NUMA1: variants seen among roughly 807,000 people sequenced by gnomAD.
NUMA1 encodes nuclear mitotic apparatus protein 1.
NUMA1 carries 62 observed loss-of-function variants against 237.1 expected under a neutral mutation model. That is an observed-to-expected ratio of 0.26 (90% CI 0.21 to 0.32). The LOEUF (loss-of-function observed/expected upper bound fraction) is 0.32. NUMA1 is among the 10% of genes least tolerant of loss of function. NUMA1 has a pLI of 1.00. For synonymous variants in NUMA1, 1,028 were observed against 1,066.1 expected (o/e 0.96, Z 0.70); for missense variants, 2,533 against 2,666.5 (o/e 0.95, Z 1.10).
chr11:72,005,635 G>T, intron 22 of NUMA1: 1 of 519,822 alleles, frequency 1.9e-6, no homozygotes, highest in Non-Finnish European at 3.4e-6. Context: ...AAGGCTTGGT[G>T]GCCAACACCC....
rs1335329816 is a variant in NUMA1 at position 72,003,040 on chromosome 11, A to G, written c.*487T>C. The G allele has an allele frequency of 4.2e-6, 1 of 238,216 alleles. No homozygotes were observed. Among genetic ancestry groups the G allele is most frequent in the Non-Finnish European group, 8.3e-6 (1 of 121,132 alleles). The allele number at this position is 238,216 out of a possible 1,614,324, so 14.8% of individuals were successfully genotyped here. A position where few individuals can be genotyped will look rare whatever the true frequency, so the allele number is the denominator to read the frequency against. ...ACCCCACTCCTGAGACATAGGGCCC[A>G]TCCGTCCTGGGAAAGAGCATCCTCT... is the stretch of plus-strand genomic sequence containing the variant. On this transcript the variant is annotated 3_prime_UTR_variant, in exon 27 of 27. Coordinates refer to ENST00000393695, the MANE Select transcript of NUMA1 (RefSeq NM_006185.4).
intron 5 of NUMA1, among the ~76,000 whole-genome samples, chr11:72,023,513 A>G (rs1461776892): frequency 1.3e-5 from 2 of 152,218 alleles, no homozygotes; most frequent in Non-Finnish European, 2.9e-5. Context: ...GAGTAAACCT[A>G]TAGCTGAGTC....
At chr11:72,004,579 G>T in intron 24 of NUMA1, 61 bp downstream of exon 24, 1 of 1,531,046 alleles carries the variant, frequency 6.5e-7, no homozygotes, top group Non-Finnish European at 8.9e-7. Context: ...TTTAGTCCTT[G>T]GTGAGCTGGG....
chr11:72,058,084 A>G (rs1440034152), intron 2 of NUMA1, among the ~76,000 whole-genome samples: 2 of 152,154 alleles, frequency 1.3e-5, no homozygotes, highest in Non-Finnish European at 2.9e-5. Flanking sequence ...AAAAAAACAT[A>G]ATAATAATTA....
chr11:72,007,705 C>T, intron 20 of NUMA1: 2 of 507,090 alleles, frequency 3.9e-6, no homozygotes, highest in Admixed American at 3.6e-5. Flanking sequence ...TGCTTCACAG[C>T]AAACACGTCC....
chr11:72,054,082 G>C (rs900351842), intron 2 of NUMA1, among the ~76,000 whole-genome samples: 3 of 152,170 alleles, frequency 2.0e-5, no homozygotes, highest in Non-Finnish European at 4.4e-5. Context: ...TATAAATGAA[G>C]AATGAGAAAA....
chr11:72,049,730 G>C (rs898265175), intron 2 of NUMA1, among the ~76,000 whole-genome samples: 2 of 150,052 alleles, frequency 1.3e-5, no homozygotes, highest in Admixed American at 6.7e-5. Flanking sequence ...GGCTGAGGTG[G>C]GAGGATCACT....
chr11:72,072,902 C>T (rs1484364727), intron 1 of NUMA1, among the ~76,000 whole-genome samples: 1 of 151,772 alleles, frequency 6.6e-6, no homozygotes, highest in African/African-American at 2.4e-5. Context: ...ATTAGCTGGG[C>T]GCGGTGGCGG....
rs534171221 is a variant in NUMA1, at chr11:72,007,879, C to T, written c.5217-444G>A. The stretch of plus-strand genomic sequence containing the variant: ...TCCTGAACAGCTCCTAACCACACCC[C>T]ACTCCATGCTCATGTCCTTTCCCTG... On this transcript the variant is annotated intron_variant, in intron 20 of 26. Transcript: ENST00000393695. The T allele has an allele frequency of 6.9e-4, 241 of 350,282 alleles. 2 individuals are homozygous for T. Among genetic ancestry groups the T allele is most frequent in the Non-Finnish European group, 1.2e-3 (212 of 181,404 alleles). The allele number at this position is 350,282 out of a possible 1,614,324, so 21.7% of individuals were successfully genotyped here.
chr11:72,021,742 T>C (rs1181617183), intron 7 of NUMA1, among the ~76,000 whole-genome samples: 1 of 152,160 alleles, frequency 6.6e-6, no homozygotes, highest in East Asian at 1.9e-4. Flanking sequence ...TAGCTAGAAC[T>C]ACAGACACAC....
Position 72,013,429 on chromosome 11 carries a change from A to G in NUMA1, c.4074T>C (p.Ser1358=). 4 of 1,612,770 alleles carry G rather than the reference A, an allele frequency of 2.5e-6. No homozygotes were observed. Among genetic ancestry groups the G allele is most frequent in the Non-Finnish European group, 3.4e-6 (4 of 1,179,912 alleles). Residue 1358 remains serine (S), a synonymous_variant, in exon 15 of 27, where the codon AGT becomes AGC. Coordinates refer to ENST00000393695, the MANE Select transcript of NUMA1 (RefSeq NM_006185.4). The surrounding 1 kb of genome is among the most constrained non-coding windows in gnomAD (Gnocchi z 6.8). Reference sequence around the variant, plus strand: ...AGAGGTGCTTAGCTGGCAGCAGCTCACTCACCAGGGCCTGTGTGCTGGTGT... The same window carrying G: ...AGAGGTGCTTAGCTGGCAGCAGCTCGCTCACCAGGGCCTGTGTGCTGGTGT... ...LEHTSTQALV[S]ELLPAKHLCQ...
intron 13 of NUMA1, chr11:72,017,373 C>T: frequency 2.4e-6 from 1 of 411,692 alleles, no homozygotes; most frequent in Non-Finnish European, 4.6e-6. Context: ...CTACTCGTTA[C>T]TACTCCCATT....
chr11:72,055,598 T>G (rs147431628), intron 2 of NUMA1, among the ~76,000 whole-genome samples: 42 of 152,202 alleles, frequency 2.8e-4, no homozygotes, highest in Non-Finnish European at 4.6e-4. Flanking sequence ...ATGTAGGTGC[T>G]AGTAACACAG....
intron 2 of NUMA1, chr11:72,049,673 T>C (rs1279972477): frequency 7.2e-6 from 1 of 138,710 alleles, no homozygotes; most frequent in African/African-American, 2.7e-5. Context: ...AAAAAGAAAA[T>C]TGGCTAGGCA....
chr11:72,029,298 T>A lies in NUMA1; in HGVS notation c.43-8A>T. The A allele has an allele frequency of 6.3e-7, 1 of 1,597,846 alleles. No individual in the cohort carries two copies. Among genetic ancestry groups the A allele is most frequent in the Non-Finnish European group, 8.5e-7 (1 of 1,174,050 alleles). ...CACGTGTAGACTGTTCACCTGTAAATCAAAGGGAACAGCCTAGTGAGACCG... is the reference window on the plus strand; with the variant it reads ...CACGTGTAGACTGTTCACCTGTAAAACAAAGGGAACAGCCTAGTGAGACCG... On this transcript the variant is annotated splice_polypyrimidine_tract_variant and splice_region_variant and intron_variant, in intron 3 of 26. Transcript: ENST00000393695.
At chr11:72,017,507 AT>A (rs1938018248) in intron 13 of NUMA1, 179 bp downstream of exon 13, 2 of 716,934 alleles carry the variant, frequency 2.8e-6, no homozygotes, top group South Asian at 1.6e-5. Flanking sequence ...GAAAAAAAAA[AT>A]AAGTTAAAAA....
In NUMA1 at chr11:72,004,441, C is replaced by T. The variant is rs1026062883; in HGVS notation, c.6007-100G>A. 1.5e-5 allele frequency: 19 copies of T among 1,249,256 alleles called. No homozygotes were observed. In the East Asian group the frequency reaches 2.8e-4, roughly 18 times the overall value. 77.4% of individuals were successfully genotyped at this position (1,249,256 alleles called of 1,614,324 possible). ...GAGCTGAGTGGACCTTGTAAGTCAA[C>T]GTGCAACCTGCTCCCCTTCCCAACT... On this transcript the variant is annotated intron_variant, in intron 24 of 26. Coordinates refer to ENST00000393695, the MANE Select transcript of NUMA1 (RefSeq NM_006185.4).
intron 3 of NUMA1, among the ~76,000 whole-genome samples, chr11:72,031,825 T>A (rs1940364473): frequency 2.0e-5 from 3 of 151,348 alleles, no homozygotes; most frequent in Admixed American, 6.6e-5. Flanking sequence ...AAAAAATAAA[T>A]AAATAAATAA....
chr11:72,018,036 T>C (rs2135157599), intron 12 of NUMA1, 147 bp downstream of exon 12: 2 of 930,162 alleles, frequency 2.2e-6, no homozygotes, highest in South Asian at 3.1e-5. Flanking sequence ...AATTATGGGA[T>C]AAGGAAAGGG....
Sources: allele counts gnomAD v4.1 joint callset (sites outside exome capture counted in the v4.1 genomes callset), GRCh38; gene constraint gnomAD v4.1.1; non-coding constraint Gnocchi (gnomAD v3.1); transcripts MANE v1.5; gene names NCBI Gene and HGNC (gene_info 2026-07-23, HGNC 2026-07-21).